Variants in RBFOX1 observed in about 807,000 individuals in gnomAD.
The protein encoded by RBFOX1 is RNA binding fox-1 homolog 1.
A neutral mutation model predicts 57.7 loss-of-function variants in RBFOX1; 8 were observed. The ratio of observed to expected loss-of-function variants is 0.14; its 90% CI spans 0.08 to 0.25. The LOEUF (loss-of-function observed/expected upper bound fraction) is 0.25. Among genes scored for constraint, RBFOX1 ranks in the 10% least tolerant of loss-of-function variants. RBFOX1 has a pLI of 1.00. For synonymous variants in RBFOX1, 326 were observed against 222.4 expected, an observed-to-expected ratio of 1.47 and a Z score of -4.15; for missense variants, 611 against 548.5, an observed-to-expected ratio of 1.11 and a Z score of -1.14.
intron 4 of RBFOX1, among the ~76,000 whole-genome samples, chr16:7,117,146 G>C (rs1311268278): frequency 2.0e-5 from 3 of 152,140 alleles, no homozygotes; most frequent in African/African-American, 4.8e-5. Context: ...AGATAGTAAA[G>C]TGAGGGCTGG....
intron 3 of RBFOX1, among the ~76,000 whole-genome samples, chr16:6,762,860 C>A (rs2076815520): frequency 6.6e-6 from 1 of 152,132 alleles, no homozygotes. Context: ...AAGGAGGTAC[C>A]TCTCCTTGCC....
chr16:7,091,793 C>G (rs1304019487), intron 4 of RBFOX1, among the ~76,000 whole-genome samples: 8 of 152,176 alleles, frequency 5.3e-5, no homozygotes, highest in Non-Finnish European at 5.9e-5. Context: ...ACTCTACATT[C>G]TAGAGCTTCG....
At chr16:6,188,619 C>G (rs2097122755) in intron 1 of RBFOX1, among the ~76,000 whole-genome samples, 1 of 152,066 alleles carries the variant, frequency 6.6e-6, no homozygotes, top group South Asian at 2.1e-4. Context: ...TGTTTCCCAG[C>G]TACCAGAGAG....
At chr16:5,418,152 C>G (rs939139292) in intron 1 of RBFOX1, among the ~76,000 whole-genome samples, 3 of 152,216 alleles carry the variant, frequency 2.0e-5, no homozygotes, top group African/African-American at 2.4e-5. Flanking sequence ...TGTGGTCTCA[C>G]TGCATTAAAA....
intron 1 of RBFOX1, among the ~76,000 whole-genome samples, chr16:6,251,814 C>T (rs113350643): frequency 1.5e-3 from 235 of 152,166 alleles, no homozygotes; most frequent in African/African-American, 5.0e-3. Flanking sequence ...CAAAGCCCTG[C>T]CTCTCCTTGC....
chr16:6,611,233 G>A (rs540865550), intron 2 of RBFOX1, among the ~76,000 whole-genome samples: 1 of 152,140 alleles, frequency 6.6e-6, no homozygotes, highest in South Asian at 2.1e-4. Flanking sequence ...TGCAACCTCC[G>A]GCTCCCAGGT....
chr16:7,707,402 CAGGAA>C (rs1249520186), intron 14 of RBFOX1, among the ~76,000 whole-genome samples: 1 of 151,988 alleles, frequency 6.6e-6, no homozygotes, highest in Admixed American at 6.6e-5. Context: ...GGGGGGAAAA[CAGGAA>C]AGGAGAGGGA....
chr16:5,419,987 C>T (rs1723282907), intron 1 of RBFOX1, among the ~76,000 whole-genome samples: 1 of 152,116 alleles, frequency 6.6e-6, no homozygotes, highest in South Asian at 2.1e-4. Flanking sequence ...CAGCCCAGCT[C>T]AGCCGATATT....
At chr16:6,163,863 A>G (rs1213498119) in intron 1 of RBFOX1, among the ~76,000 whole-genome samples, 3 of 152,170 alleles carry the variant, frequency 2.0e-5, no homozygotes, top group African/African-American at 7.2e-5. Flanking sequence ...TAGGGAGGAA[A>G]TAAGAGGTCC....
intron 2 of RBFOX1, among the ~76,000 whole-genome samples, chr16:6,559,933 C>G (rs935749152): frequency 1.3e-5 from 2 of 152,032 alleles, no homozygotes; most frequent in Admixed American, 1.3e-4. Flanking sequence ...ACTCATATTG[C>G]AGGAAGAAAG....
chr16:5,899,659 G>C (rs1038780877), intron 4 of RBFOX1, among the ~76,000 whole-genome samples: 1 of 152,144 alleles, frequency 6.6e-6, no homozygotes, highest in Non-Finnish European at 1.5e-5. Flanking sequence ...CTGGTGGGTG[G>C]TGCATTATCA....
chr16:6,263,492 G>C (rs1297448996), intron 1 of RBFOX1, among the ~76,000 whole-genome samples: 1 of 152,128 alleles, frequency 6.6e-6, no homozygotes, highest in Non-Finnish European at 1.5e-5. Context: ...GAGCAGTGCA[G>C]CCTCCATTTA....
At chr16:7,439,795 G>T (rs971193704) in intron 4 of RBFOX1, among the ~76,000 whole-genome samples, 1 of 152,092 alleles carries the variant, frequency 6.6e-6, no homozygotes, top group African/African-American at 2.4e-5. Flanking sequence ...TTGCTTGCTT[G>T]TCAAATTGGG....
intron 3 of RBFOX1, among the ~76,000 whole-genome samples, chr16:6,960,988 A>AG (rs1329734388): frequency 2.3e-5 from 3 of 132,716 alleles, no homozygotes; most frequent in South Asian, 5.1e-4. Flanking sequence ...AAAAAAAAAA[A>AG]AAAAAATTAG....
chr16:6,288,234 T>C (rs4255788), intron 1 of RBFOX1, among the ~76,000 whole-genome samples: 24,324 of 54,092 alleles, frequency 0.45, 2,321 homozygotes, highest in Non-Finnish European at 0.55. Context: ...CAGAATGGTG[T>C]GAACGGTTTT....
At chr16:5,848,778 C>T (rs2056817719) in intron 3 of RBFOX1, among the ~76,000 whole-genome samples, 2 of 151,918 alleles carry the variant, frequency 1.3e-5, no homozygotes, top group Admixed American at 1.3e-4. Flanking sequence ...GAAACCCCGT[C>T]TCTAATAAAA....
intron 1 of RBFOX1, among the ~76,000 whole-genome samples, chr16:5,300,151 C>T (rs1038150695): frequency 3.3e-5 from 5 of 151,680 alleles, no homozygotes; most frequent in African/African-American, 9.7e-5. Flanking sequence ...TGAGATAAAT[C>T]TCATTTGGTC....
At chr16:6,564,175 A>G (rs895252338) in intron 2 of RBFOX1, among the ~76,000 whole-genome samples, 3 of 152,178 alleles carry the variant, frequency 2.0e-5, no homozygotes, top group Non-Finnish European at 2.9e-5. Context: ...TGATGAGGAT[A>G]AAAGCCATGA....
At chr16:7,211,404 A>T (rs1474132738) in intron 4 of RBFOX1, among the ~76,000 whole-genome samples, 1 of 151,588 alleles carries the variant, frequency 6.6e-6, no homozygotes, top group Admixed American at 6.6e-5. Flanking sequence ...AAAAAAAAAA[A>T]AAAAAAAATT....
Sources: gnomAD v4.1 joint callset for allele counts (sites outside exome capture counted in the v4.1 genomes callset) on GRCh38, gnomAD v4.1.1 for gene constraint, MANE v1.5 for transcripts, NCBI Gene and HGNC (gene_info 2026-07-23, HGNC 2026-07-21) for gene names.